Variants in NLRP7 observed in about 807,000 individuals in gnomAD.
NLRP7 encodes the protein NLR family pyrin domain containing 7, also known as NACHT, LRR and PYD domains-containing protein 7.
In NLRP7, 72 loss-of-function variants were observed where a neutral mutation model predicts 85.5. That is an observed-to-expected ratio of 0.84 (90% CI 0.70 to 1.02). NLRP7 has a LOEUF of 1.02. Among genes scored for constraint, NLRP7 ranks in the 50% least tolerant of loss-of-function variants. The pLI, the probability that NLRP7 is intolerant of heterozygous loss-of-function variation, is 0.00. For synonymous variants in NLRP7, 550 were observed against 505.2 expected (o/e 1.09, Z -1.19); for missense variants, 1,243 against 1,219.5 (o/e 1.02, Z -0.29).
In NLRP7 at chr19:54,934,885, C is replaced by T. The variant is rs577951719; in HGVS notation, c.2301-226G>A. On this transcript the variant is annotated intron_variant, in intron 6 of 9. Coordinates refer to ENST00000340844, the Ensembl canonical transcript of NLRP7. This position sits in a 1 kb window ranked among gnomAD's most constrained non-coding sequence, Gnocchi z 6.7. ...CCAATTTTTGTATTTTTAGTAGAGA[C>T]GGGATTTCACCATGTTGGCCACACT... 3.2e-4 allele frequency among the ~76,000 whole-genome samples: 49 copies of T among 152,178 alleles called. No homozygotes were observed. Among genetic ancestry groups the T allele is most frequent in the South Asian group, 1.5e-3 (7 of 4,818 alleles).
At chr19:54,946,687 T>C (rs948569284) in intron 1 of NLRP7, among the ~76,000 whole-genome samples, 1 of 152,038 alleles carries the variant, frequency 6.6e-6, no homozygotes, top group Admixed American at 6.6e-5. Context: ...TCTCCCAGGC[T>C]GGAGTGCAGT....
intron 9 of NLRP7, 45 bp from the exon 10 acceptor site, chr19:54,927,820 A>G: frequency 1.3e-6 from 2 of 1,579,032 alleles, no homozygotes; most frequent in Non-Finnish European, 1.7e-6. Flanking sequence ...CTGAGCAGGT[A>G]GTGGCTCAAG....
Position 54,935,915 on chromosome 19 carries a change from G to GA in NLRP7, c.2300+345dup, listed in dbSNP as rs141064433. On this transcript the variant is annotated intron_variant, in intron 6 of 9. Coordinates refer to ENST00000340844, the Ensembl canonical transcript of NLRP7. ...AAAACTACCCCCAAACCCGTCTGTG[G>GA]AAAAAACTGTCTTGTGCAAAACCGG... Among the ~76,000 whole-genome samples, 18 of 152,108 alleles carry GA rather than the reference G, an allele frequency of 1.2e-4. No homozygotes were observed. The East Asian group carries it at 2.5e-3, about 21-fold the overall frequency.
At chr19:54,945,876 G>C (rs1474315578) in intron 1 of NLRP7, among the ~76,000 whole-genome samples, 3 of 151,408 alleles carry the variant, frequency 2.0e-5, no homozygotes, top group Non-Finnish European at 4.4e-5. Flanking sequence ...TGCAAGCTCC[G>C]CCTCCCAGGT....
chr19:54,935,424 A>G (rs2068869554), intron 6 of NLRP7, among the ~76,000 whole-genome samples: 1 of 152,062 alleles, frequency 6.6e-6, no homozygotes, highest in South Asian at 2.1e-4. Flanking sequence ...GGCCAGGCGC[A>G]GTGGTTCATG....
chr19:54,942,972 C>A (rs2069298885), intron 1 of NLRP7, among the ~76,000 whole-genome samples: 1 of 151,334 alleles, frequency 6.6e-6, no homozygotes, highest in South Asian at 2.1e-4. Flanking sequence ...CATGGTGAAA[C>A]CCCATCTCTA....
chr19:54,931,173 C>T (rs1440139138), intron 8 of NLRP7, among the ~76,000 whole-genome samples: 1 of 152,212 alleles, frequency 6.6e-6, no homozygotes, highest in Admixed American at 6.6e-5. Context: ...CCTATAATCA[C>T]AGCAGTGGGA....
intron 1 of NLRP7, among the ~76,000 whole-genome samples, chr19:54,942,762 C>G (rs1263331044): frequency 2.6e-5 from 4 of 152,146 alleles, no homozygotes; most frequent in Admixed American, 2.6e-4. Context: ...CCAAGACTTC[C>G]TCGCCACCAA....
chr19:54,935,227 GGAA>G (rs753350875), intron 6 of NLRP7, among the ~76,000 whole-genome samples: 3 of 147,518 alleles, frequency 2.0e-5, no homozygotes, highest in Non-Finnish European at 4.5e-5. Context: ...TTTGCAGGGG[GGAA>G]AAAAAAATTT....
intron 6 of NLRP7, among the ~76,000 whole-genome samples, chr19:54,935,601 C>CAGG (rs34415796): frequency 0.63 from 95,197 of 150,942 alleles, 30,286 homozygotes; most frequent in African/African-American, 0.71. Flanking sequence ...GAAGCTGAGG[C>CAGG]AGAACTGCTT....
exon 4 of NLRP7, chr19:54,939,627 G>C (rs2069119714): frequency 2.5e-6 from 4 of 1,610,974 alleles, no homozygotes; most frequent in Non-Finnish European, 3.4e-6. Flanking sequence ...CGGCTGCAGA[G>C]GAAACGCAGG....
Position 54,939,423 on chromosome 19 carries a change from A to G in NLRP7, c.1396T>C (p.Phe466Leu), listed in dbSNP as rs761702637. 15 of 1,613,878 alleles carry G rather than the reference A, an allele frequency of 9.3e-6. No individual in the cohort carries two copies. In the African/African-American group the frequency reaches 2.0e-4, roughly 22 times the overall value. ...AACTGCTGGAAGCTGAGGTGGATGA[A>G]GGAGTAGCAGCCTTTGGAGACTCTG... is the stretch of plus-strand genomic sequence containing the variant. Residue 466 changes from phenylalanine (F) to leucine (L), a missense_variant, in exon 4 of 10, where the codon TTC becomes CTC. Transcript: ENST00000340844.
At chr19:54,952,552 C>T (rs538657949) in intron 1 of NLRP7, among the ~76,000 whole-genome samples, 10 of 150,874 alleles carry the variant, frequency 6.6e-5, no homozygotes, top group African/African-American at 2.4e-4. Flanking sequence ...AAAGATCCTG[C>T]CACTGCACTC....
At chr19:54,939,596 A>G in exon 4 of NLRP7, 1 of 1,611,432 alleles carries the variant, frequency 6.2e-7, no homozygotes, top group Non-Finnish European at 8.5e-7. Flanking sequence ...CGCGCCCCGC[A>G]GCTGTGCGCC....
At chr19:54,953,322 C>CT (rs1174217038) in intron 1 of NLRP7, 1 of 152,218 alleles carries the variant, frequency 6.6e-6, no homozygotes, top group Non-Finnish European at 1.5e-5. Context: ...GCTCACAACT[C>CT]TAAGGGGGTG....
chr19:54,936,985 G>A (rs1022131181), intron 5 of NLRP7, among the ~76,000 whole-genome samples: 6 of 152,178 alleles, frequency 3.9e-5, no homozygotes, highest in Non-Finnish European at 5.9e-5. Context: ...GGCCGAGGCC[G>A]AGGCGGGTGG....
At chr19:54,964,112 C>G (rs1252656900) in intron 1 of NLRP7, among the ~76,000 whole-genome samples, 1 of 150,594 alleles carries the variant, frequency 6.6e-6, no homozygotes. Flanking sequence ...AAGTCCTGAC[C>G]TCGTGATCCA....
chr19:54,941,513 T>C (rs1216663768), exon 2 of NLRP7: 1 of 1,613,884 alleles, frequency 6.2e-7, no homozygotes, highest in Non-Finnish European at 8.5e-7. Flanking sequence ...GCATTCCTTA[T>C]CCAATTTTCT....
At chr19:54,955,712 C>T (rs942558825) in intron 1 of NLRP7, among the ~76,000 whole-genome samples, 7 of 151,200 alleles carry the variant, frequency 4.6e-5, no homozygotes, top group African/African-American at 1.5e-4. Context: ...ACGTGAATCC[C>T]GGAGTCGTAG....
Sources: gnomAD v4.1 joint callset for allele counts (sites outside exome capture counted in the v4.1 genomes callset) on GRCh38, gnomAD v4.1.1 for gene constraint, Gnocchi (gnomAD v3.1) non-coding constraint, MANE v1.5 for transcripts, NCBI Gene and HGNC (gene_info 2026-07-23, HGNC 2026-07-21) for gene names.